The following UVRAG variants were observed in gnomAD, a reference collection of about 807,000 sequenced individuals.
UVRAG encodes the protein UV radiation resistance associated.
In UVRAG, 19 loss-of-function variants were observed where a neutral mutation model predicts 78.0. That is an observed-to-expected ratio of 0.24 (90% confidence interval 0.17 to 0.36). The LOEUF is 0.36. Ranked by LOEUF, UVRAG falls within the 10% of genes least tolerant of loss-of-function variation. The probability of loss-of-function intolerance (pLI) is 1.00; values close to 1 mark genes in which losing one functional copy is unlikely to be tolerated. For synonymous variants in UVRAG, 323 were observed against 324.6 expected (o/e 1.00, Z 0.05); for missense variants, 740 against 853.8 (o/e 0.87, Z 1.66).
At chr11:75,876,078 T>C (rs1204421796) in intron 3 of UVRAG, among the ~76,000 whole-genome samples, 1 of 152,028 alleles carries the variant, frequency 6.6e-6, no homozygotes, top group Non-Finnish European at 1.5e-5. Flanking sequence ...CCGTCATGGC[T>C]TCACGACAAA....
chr11:76,011,495 C>T (rs1194185749), intron 11 of UVRAG, among the ~76,000 whole-genome samples: 1 of 152,090 alleles, frequency 6.6e-6, no homozygotes, highest in Non-Finnish European at 1.5e-5. Flanking sequence ...TGTGGTGGCA[C>T]ACACCTGTAA....
At chr11:75,880,575 G>A (rs1034391708) in intron 4 of UVRAG, among the ~76,000 whole-genome samples, 5 of 151,660 alleles carry the variant, frequency 3.3e-5, no homozygotes, top group African/African-American at 7.3e-5. Context: ...TTTTTGAGAC[G>A]AAGTTTCACT....
At chr11:75,992,711 A>C (rs573314692) in intron 8 of UVRAG, among the ~76,000 whole-genome samples, 1 of 152,308 alleles carries the variant, frequency 6.6e-6, no homozygotes, top group East Asian at 1.9e-4. Flanking sequence ...TTGTTCTTCA[A>C]TATTCTATTC....
intron 3 of UVRAG, among the ~76,000 whole-genome samples, chr11:75,865,287 C>CAAAAAAAAAAAA (rs1195072746): frequency 1.1e-4 from 5 of 45,638 alleles, no homozygotes; most frequent in East Asian, 7.0e-4. Flanking sequence ...AACTCCATCT[C>CAAAAAAAAAAAA]AAAAAAAAAA....
chr11:76,132,333 A>G (rs1378087643), intron 14 of UVRAG, among the ~76,000 whole-genome samples: 1 of 152,030 alleles, frequency 6.6e-6, no homozygotes, highest in Non-Finnish European at 1.5e-5. Context: ...TTCTTATTCC[A>G]CTGAGTTGTA....
intron 1 of UVRAG, among the ~76,000 whole-genome samples, chr11:75,817,855 C>T (rs1482938786): frequency 1.3e-5 from 2 of 150,206 alleles, no homozygotes; most frequent in Non-Finnish European, 3.0e-5. Flanking sequence ...ACCAGCCTGG[C>T]CAACATGCTG....
chr11:75,849,506 A>AC (rs1946109423), intron 1 of UVRAG, among the ~76,000 whole-genome samples: 1 of 152,138 alleles, frequency 6.6e-6, no homozygotes, highest in Admixed American at 6.5e-5. Flanking sequence ...AAAAAAAAAA[A>AC]AATTAATGAT....
intron 9 of UVRAG, among the ~76,000 whole-genome samples, chr11:76,006,950 C>T (rs1949956792): frequency 6.6e-6 from 1 of 152,102 alleles, no homozygotes; most frequent in African/African-American, 2.4e-5. Flanking sequence ...TATCAACCTG[C>T]TAGAGTTGTT....
intron 14 of UVRAG, among the ~76,000 whole-genome samples, chr11:76,116,445 G>A (rs1467211603): frequency 6.6e-6 from 1 of 152,200 alleles, no homozygotes; most frequent in Non-Finnish European, 1.5e-5. Context: ...TAGGTCAGGG[G>A]GTCAGGACTT....
intron 12 of UVRAG, among the ~76,000 whole-genome samples, chr11:76,028,477 T>C (rs1280090734): frequency 6.6e-6 from 1 of 152,184 alleles, no homozygotes; most frequent in African/African-American, 2.4e-5. Flanking sequence ...GGCTGAAAGC[T>C]AGGCCTCTTG....
intron 13 of UVRAG, among the ~76,000 whole-genome samples, chr11:76,082,908 CCT>C (rs909991672): frequency 6.6e-6 from 1 of 152,070 alleles, no homozygotes; most frequent in African/African-American, 2.4e-5. Context: ...GTGATTCACA[CCT>C]CTAGTCCCAA....
chr11:76,027,127 A>G (rs1171043825), intron 12 of UVRAG, among the ~76,000 whole-genome samples: 1 of 152,162 alleles, frequency 6.6e-6, no homozygotes, highest in Non-Finnish European at 1.5e-5. Flanking sequence ...ATTCATTTTG[A>G]TATGCCCCCC....
At chr11:75,900,432 T>C (rs879612823) in intron 5 of UVRAG, among the ~76,000 whole-genome samples, 4 of 152,220 alleles carry the variant, frequency 2.6e-5, no homozygotes, top group Non-Finnish European at 5.9e-5. Flanking sequence ...TGTTGCCTTC[T>C]CTTCTTTCTC....
At chr11:75,862,988 T>C (rs1946455288) in intron 3 of UVRAG, among the ~76,000 whole-genome samples, 1 of 152,200 alleles carries the variant, frequency 6.6e-6, no homozygotes, top group South Asian at 2.1e-4. Context: ...ACCTGTAAAG[T>C]AGATGGGGCA....
intron 8 of UVRAG, among the ~76,000 whole-genome samples, chr11:75,984,932 A>G (rs1949467973): frequency 6.6e-6 from 1 of 152,118 alleles, no homozygotes; most frequent in Non-Finnish European, 1.5e-5. Context: ...GTTTCCATGA[A>G]CCTTCTAGGT....
intron 13 of UVRAG, among the ~76,000 whole-genome samples, chr11:76,103,188 G>A (rs1473339653): frequency 6.6e-6 from 1 of 152,120 alleles, no homozygotes; most frequent in Non-Finnish European, 1.5e-5. Context: ...TGCTTGTAAA[G>A]AGTTTGTGTG....
intron 14 of UVRAG, chr11:76,137,772 G>A (rs538937733): frequency 2.2e-5 from 7 of 311,746 alleles, no homozygotes; most frequent in African/African-American, 4.3e-5. Context: ...GCCGGGCATC[G>A]TGGCACACAC....
At chr11:75,872,463 C>G (rs1946674049) in intron 3 of UVRAG, among the ~76,000 whole-genome samples, 1 of 151,436 alleles carries the variant, frequency 6.6e-6, no homozygotes, top group Non-Finnish European at 1.5e-5. Flanking sequence ...ATCTCGGCTC[C>G]CTGCAACCTC....
At chr11:75,905,637 C>G (rs1167349551) in intron 5 of UVRAG, among the ~76,000 whole-genome samples, 1 of 152,116 alleles carries the variant, frequency 6.6e-6, no homozygotes, top group Non-Finnish European at 1.5e-5. Context: ...CTTTTTAGGG[C>G]TGAGTAATAT....
Sources: gnomAD v4.1 joint callset for allele counts (sites outside exome capture counted in the v4.1 genomes callset) on GRCh38, gnomAD v4.1.1 for gene constraint, MANE v1.5 for transcripts, NCBI Gene and HGNC (gene_info 2026-07-23, HGNC 2026-07-21) for gene names.